The following CAPZA2 variants were observed in gnomAD, a reference collection of about 807,000 sequenced individuals.
The protein encoded by CAPZA2 is capping actin protein of muscle Z-line subunit alpha 2, also known as F-actin-capping protein subunit alpha-2.
A neutral mutation model predicts 44.0 loss-of-function variants in CAPZA2; 13 were observed. That is an observed-to-expected ratio of 0.30 (90% confidence interval 0.19 to 0.47). The LOEUF (loss-of-function observed/expected upper bound fraction) is 0.47. Ranked by LOEUF, CAPZA2 falls within the 20% of genes least tolerant of loss-of-function variation. The probability of loss-of-function intolerance (pLI) is 1.00; values close to 1 mark genes in which losing one functional copy is unlikely to be tolerated. For synonymous variants in CAPZA2, 94 were observed against 108.2 expected, an observed-to-expected ratio of 0.87 and a Z score of 0.81; for missense variants, 244 against 338.6, an observed-to-expected ratio of 0.72 and a Z score of 2.19.
At chr7:116,867,582 CTTTT>C (rs67944722) in intron 1 of CAPZA2, among the ~76,000 whole-genome samples, 3 of 114,806 alleles carry the variant, frequency 2.6e-5, no homozygotes, top group South Asian at 3.1e-4. Context: ...ATTTCTCTCT[CTTTT>C]TTTTTTTTTT....
intron 1 of CAPZA2, among the ~76,000 whole-genome samples, chr7:116,886,665 G>T (rs1438322132): frequency 6.6e-6 from 1 of 152,224 alleles, no homozygotes; most frequent in Admixed American, 6.5e-5. Flanking sequence ...TGGAGATGTT[G>T]TTTAAATGGT....
chr7:116,899,872 A>T (rs1247225567), intron 4 of CAPZA2, among the ~76,000 whole-genome samples: 1 of 151,762 alleles, frequency 6.6e-6, no homozygotes, highest in African/African-American at 2.4e-5. Context: ...CAAAAAAGGT[A>T]AACAGTATAC....
At chr7:116,906,200 T>C in intron 5 of CAPZA2, 63 bp from the exon 6 acceptor site, 2 of 1,575,260 alleles carry the variant, frequency 1.3e-6, no homozygotes, top group Non-Finnish European at 1.7e-6. Context: ...TTTTATAGAT[T>C]TTTAAAGTTG....
In CAPZA2 at chr7:116,921,575, CAG is replaced by C. The variant is rs1562965949; in HGVS notation, c.*3709_*3710del. ...GCACATGCCTGTAGTCCCAGCTACTCAGGAGGCTGAGGCAGGAGAATCTTTGA... is the reference window on the plus strand; with the variant it reads ...GCACATGCCTGTAGTCCCAGCTACTCGAGGCTGAGGCAGGAGAATCTTTGA... On this transcript the variant is annotated 3_prime_UTR_variant, in exon 10 of 10. Coordinates refer to ENST00000361183, the MANE Select transcript of CAPZA2 (RefSeq NM_006136.3). 1 of 149,112 alleles carries C rather than the reference CAG, an allele frequency of 6.7e-6. No homozygotes were observed. Among genetic ancestry groups the C allele is most frequent in the Non-Finnish European group, 1.5e-5 (1 of 67,114 alleles). The allele number at this position is 149,112 out of a possible 1,614,324, so 9.2% of individuals were successfully genotyped here. A position where few individuals can be genotyped will look rare whatever the true frequency, so the allele number is the denominator to read the frequency against.
At chr7:116,896,749 T>G (rs941371831) in intron 3 of CAPZA2, among the ~76,000 whole-genome samples, 1 of 152,106 alleles carries the variant, frequency 6.6e-6, no homozygotes, top group Non-Finnish European at 1.5e-5. Context: ...AATGCTTAGC[T>G]TATAGTAATA....
At chr7:116,863,565 TC>T (rs1796445168) in intron 1 of CAPZA2, among the ~76,000 whole-genome samples, 1 of 152,256 alleles carries the variant, frequency 6.6e-6, no homozygotes, top group South Asian at 2.1e-4. Context: ...CTCTCTTAAT[TC>T]GCCCCTTTCG....
intron 1 of CAPZA2, among the ~76,000 whole-genome samples, chr7:116,877,423 G>A (rs924807031): frequency 3.3e-5 from 5 of 152,190 alleles, no homozygotes; most frequent in Non-Finnish European, 2.9e-5. Flanking sequence ...GCGGGAAGAC[G>A]AGAGTTCTTG....
chr7:116,904,969 T>TAAA (rs371485695), intron 5 of CAPZA2, among the ~76,000 whole-genome samples: 9 of 95,592 alleles, frequency 9.4e-5, no homozygotes, highest in Admixed American at 2.4e-4. Flanking sequence ...TGTCTCTACT[T>TAAA]AAAAAAAAAA....
chr7:116,880,654 C>T (rs1408892043), intron 1 of CAPZA2, among the ~76,000 whole-genome samples: 2 of 143,344 alleles, frequency 1.4e-5, no homozygotes, highest in African/African-American at 5.2e-5. Flanking sequence ...GCCTCGGCCT[C>T]CCAAAGTGCT....
At chr7:116,903,143 G>A (rs1344222708) in intron 4 of CAPZA2, among the ~76,000 whole-genome samples, 1 of 152,162 alleles carries the variant, frequency 6.6e-6, no homozygotes, top group Non-Finnish European at 1.5e-5. Context: ...ACATTATGCA[G>A]CCATTTAAAA....
chr7:116,883,908 T>G (rs1320221089), intron 1 of CAPZA2, among the ~76,000 whole-genome samples: 2 of 152,216 alleles, frequency 1.3e-5, no homozygotes, highest in African/African-American at 4.8e-5. Context: ...AGGTAGTGTT[T>G]GTATAAGTCA....
At chr7:116,897,242 G>A (rs1010571320) in intron 3 of CAPZA2, among the ~76,000 whole-genome samples, 19 of 151,996 alleles carry the variant, frequency 1.3e-4, no homozygotes, top group African/African-American at 4.3e-4. Context: ...CATACTTTTG[G>A]GATAAATCAT....
At chr7:116,904,678 T>C (rs1791462859) in intron 5 of CAPZA2, 1 of 252,998 alleles carries the variant, frequency 4.0e-6, no homozygotes, top group Non-Finnish European at 7.4e-6. Flanking sequence ...TGTTCATGAC[T>C]CGTCTCAGTT....
intron 1 of CAPZA2, among the ~76,000 whole-genome samples, chr7:116,867,846 A>G (rs776964615): frequency 6.6e-6 from 1 of 152,108 alleles, no homozygotes; most frequent in Admixed American, 6.5e-5. Flanking sequence ...GGCCTCCTAA[A>G]GTGCTGGGAT....
At chr7:116,901,881 A>ATATATGTGTG (rs375500363) in intron 4 of CAPZA2, among the ~76,000 whole-genome samples, 2 of 140,900 alleles carry the variant, frequency 1.4e-5, no homozygotes, top group East Asian at 2.0e-4. Flanking sequence ...TAACGAAGAA[A>ATATATGTGTG]TGTGTGTGTG....
chr7:116,892,620 C>T (rs1410835857), intron 2 of CAPZA2, among the ~76,000 whole-genome samples: 1 of 151,632 alleles, frequency 6.6e-6, no homozygotes, highest in Non-Finnish European at 1.5e-5. Context: ...ACATAAAATA[C>T]ACTAACAATA....
chr7:116,863,170 A>G (rs1796440245), intron 1 of CAPZA2, among the ~76,000 whole-genome samples: 1 of 152,154 alleles, frequency 6.6e-6, no homozygotes, highest in Non-Finnish European at 1.5e-5. Context: ...CCCCCTCCTC[A>G]AAGCAAAATG....
chr7:116,909,350 GAA>G (rs1291314222), intron 6 of CAPZA2, among the ~76,000 whole-genome samples: 5 of 151,972 alleles, frequency 3.3e-5, no homozygotes, highest in African/African-American at 1.2e-4. Context: ...AAGTTACCCT[GAA>G]AAGTTTGTCA....
chr7:116,880,036 C>T, intron 1 of CAPZA2: 3 of 461,656 alleles, frequency 6.5e-6, no homozygotes, highest in Non-Finnish European at 1.3e-5. Context: ...GGCAGTTTCT[C>T]CCGCTCTGAT....
Sources: allele counts gnomAD v4.1 joint callset (sites outside exome capture counted in the v4.1 genomes callset), GRCh38; gene constraint gnomAD v4.1.1; transcripts MANE v1.5; gene names NCBI Gene and HGNC (gene_info 2026-07-23, HGNC 2026-07-21).